Variants in GNB4 observed in about 807,000 individuals in gnomAD.
GNB4 encodes G protein subunit beta 4, also known as guanine nucleotide-binding protein subunit beta-4.
A neutral mutation model predicts 45.2 loss-of-function variants in GNB4; 28 were observed. That is an observed-to-expected ratio of 0.62 (90% CI 0.46 to 0.85). The LOEUF (loss-of-function observed/expected upper bound fraction) is 0.85, where lower values mean the gene tolerates loss of function less well. Among genes scored for constraint, GNB4 ranks in the 40% least tolerant of loss-of-function variants. The pLI is 0.00. For missense variants in GNB4, 321 were observed against 425.4 expected, an observed-to-expected ratio of 0.75 and a Z score of 2.16; for synonymous variants, 132 against 143.7, an observed-to-expected ratio of 0.92 and a Z score of 0.58.
At chr3:179,514,814 C>T in the GNB4 span, among the ~76,000 whole-genome samples, 1 of 152,200 alleles carries the variant, frequency 6.6e-6, no homozygotes, top group Non-Finnish European at 1.5e-5. Context: ...ATTATAATAT[C>T]TGTTGTTTAA....
At position 179,398,103 on chromosome 3, in the gene GNB4, A is replaced by G. The variant is rs567975734; in HGVS notation, c.*3110T>C. On this transcript the variant is annotated 3_prime_UTR_variant, in exon 10 of 10. Transcript: ENST00000232564. ...AGGGTGATAACATACTTAGAAAAGAATATGTATCTCTAAAATATTCTTGCC... is the reference window on the plus strand; with the variant it reads ...AGGGTGATAACATACTTAGAAAAGAGTATGTATCTCTAAAATATTCTTGCC... The G allele has an allele frequency of 2.6e-5, 4 of 152,328 alleles. No individual in the cohort carries two copies. The highest frequency in any genetic ancestry group is 9.6e-5 in the African/African-American group (4 of 41,574). 9.4% of individuals were successfully genotyped at this position (152,328 alleles called of 1,614,324 possible). A position where few individuals can be genotyped will look rare whatever the true frequency, so the allele number is the denominator to read the frequency against.
intron 8 of GNB4, among the ~76,000 whole-genome samples, chr3:179,409,403 T>G (rs577290615): frequency 6.6e-6 from 1 of 151,578 alleles, no homozygotes; most frequent in Non-Finnish European, 1.5e-5. Context: ...TCCCAGGTAC[T>G]CGGGAGGCTG....
rs753441312 is a variant in GNB4 at position 179,444,854 on chromosome 3, T to TA, written c.-43+6491dup. Among the ~76,000 whole-genome samples the TA allele has an allele frequency of 5.3e-5, 8 of 152,352 alleles. 2 individuals carry two copies. Among genetic ancestry groups the TA allele is most frequent in the South Asian group, 2.1e-4 (1 of 4,832 alleles). ...TATATAATTTACGTCACATGCCAATTAGACATAAAACCTCATTCAGCTTAA... is the reference window on the plus strand; with the variant it reads ...TATATAATTTACGTCACATGCCAATTAAGACATAAAACCTCATTCAGCTTAA... On this transcript the variant is annotated intron_variant, in intron 1 of 9. Transcript: ENST00000232564.
the GNB4 span, among the ~76,000 whole-genome samples, chr3:179,492,148 T>C: frequency 6.6e-6 from 1 of 152,148 alleles, no homozygotes; most frequent in Admixed American, 6.5e-5. Context: ...ATTTATCTCT[T>C]CCCTTTGTGG....
At chr3:179,490,943 G>A in the GNB4 span, among the ~76,000 whole-genome samples, 1 of 152,116 alleles carries the variant, frequency 6.6e-6, no homozygotes, top group African/African-American at 2.4e-5. Context: ...AAAATGTCCA[G>A]GCACAACCCA....
intron 5 of GNB4, among the ~76,000 whole-genome samples, chr3:179,415,448 G>A (rs751821851): frequency 2.6e-5 from 4 of 152,094 alleles, no homozygotes; most frequent in Non-Finnish European, 5.9e-5. Context: ...CAAGAACTAG[G>A]GAAATAATTA....
At chr3:179,521,000 A>C in the GNB4 span, among the ~76,000 whole-genome samples, 2 of 152,062 alleles carry the variant, frequency 1.3e-5, no homozygotes, top group African/African-American at 4.8e-5. Context: ...CTGCTATTCT[A>C]CTACCCCTCA....
chr3:179,480,841 A>ATT, the GNB4 span, among the ~76,000 whole-genome samples: 1 of 136,642 alleles, frequency 7.3e-6, no homozygotes, highest in African/African-American at 2.7e-5. Flanking sequence ...AACTGATTTC[A>ATT]TTTTTTTTTT....
At chr3:179,426,084 A>T (rs1715139390) in intron 2 of GNB4, 60 bp downstream of exon 2, 1 of 1,368,018 alleles carries the variant, frequency 7.3e-7, no homozygotes, top group East Asian at 2.3e-5. Flanking sequence ...ACTAATAGGC[A>T]AATTTTGTAG....
At chr3:179,460,182 TCTTA>T in the GNB4 span, among the ~76,000 whole-genome samples, 1 of 152,226 alleles carries the variant, frequency 6.6e-6, no homozygotes, top group Non-Finnish European at 1.5e-5. Flanking sequence ...CACTGCTCCA[TCTTA>T]CTTTCTGAGT....
intron 8 of GNB4, chr3:179,405,961 C>T (rs375166710): frequency 6.6e-6 from 1 of 152,074 alleles, no homozygotes. Context: ...TATTTCGTGC[C>T]TTCTTAAGAT....
At chr3:179,458,656 A>G in the GNB4 span, among the ~76,000 whole-genome samples, 1 of 152,196 alleles carries the variant, frequency 6.6e-6, no homozygotes, top group Non-Finnish European at 1.5e-5. Flanking sequence ...TGTATACTTT[A>G]AATCATCTCT....
chr3:179,404,843 T>G (rs1473598782), intron 9 of GNB4, among the ~76,000 whole-genome samples: 3 of 152,106 alleles, frequency 2.0e-5, no homozygotes, highest in Non-Finnish European at 4.4e-5. Context: ...CAAGATCTGC[T>G]TCAGAAGGAA....
the GNB4 span, among the ~76,000 whole-genome samples, chr3:179,487,621 G>A: frequency 2.6e-5 from 4 of 152,160 alleles, no homozygotes; most frequent in Admixed American, 1.3e-4. Context: ...ACCATGCCAA[G>A]CAAAGGTTAA....
At chr3:179,474,195 A>T in the GNB4 span, among the ~76,000 whole-genome samples, 3 of 152,102 alleles carry the variant, frequency 2.0e-5, no homozygotes, top group Non-Finnish European at 4.4e-5. Context: ...TCTCTAAAAG[A>T]TAAATAATAA....
At chr3:179,527,790 ATGTGTGTGTGTG>A in the GNB4 span, among the ~76,000 whole-genome samples, 21 of 142,442 alleles carry the variant, frequency 1.5e-4, no homozygotes, top group East Asian at 1.2e-3. Flanking sequence ...GTGTGTATGT[ATGTGTGTGTGTG>A]TGTGTGTGTG....
intron 1 of GNB4, chr3:179,450,834 A>G (rs529232558): frequency 2.6e-5 from 4 of 152,390 alleles, no homozygotes; most frequent in South Asian, 2.1e-4. Flanking sequence ...TCTGGACATT[A>G]TATCATTTCC....
At chr3:179,517,895 A>T in the GNB4 span, among the ~76,000 whole-genome samples, 2 of 152,192 alleles carry the variant, frequency 1.3e-5, no homozygotes, top group East Asian at 3.9e-4. Context: ...GAGGTGTCTG[A>T]CCATGTGGGG....
upstream of GNB4, among the ~76,000 whole-genome samples, chr3:179,455,651 C>G (rs1254402839): frequency 1.3e-5 from 2 of 152,212 alleles, no homozygotes; most frequent in African/African-American, 4.8e-5. Flanking sequence ...TGAGTAAAAA[C>G]ATGAGTTTAA....
Sources: gnomAD v4.1 joint callset for allele counts (sites outside exome capture counted in the v4.1 genomes callset) on GRCh38, gnomAD v4.1.1 for gene constraint, MANE v1.5 for transcripts, NCBI Gene and HGNC (gene_info 2026-07-23, HGNC 2026-07-21) for gene names.